The following ROBO2 variants were observed in gnomAD, a reference collection of about 807,000 sequenced individuals.
The protein encoded by ROBO2 is roundabout homolog 2.
In ROBO2, 53 loss-of-function variants were observed where a neutral mutation model predicts 160.8. The observed-to-expected ratio is 0.33, with a 90% CI of 0.26 to 0.41. The LOEUF (loss-of-function observed/expected upper bound fraction) is 0.41, where lower values mean the gene tolerates loss of function less well. Among genes scored for constraint, ROBO2 ranks in the 10% least tolerant of loss-of-function variants. The pLI, the probability that ROBO2 is intolerant of heterozygous loss-of-function variation, is 1.00. For missense variants in ROBO2, 1,577 were observed against 1,722.4 expected (o/e 0.92, Z 1.49); for synonymous variants, 664 against 611.7 (o/e 1.09, Z -1.26).
chr3:77,170,287 A>G (rs1377203909), intron 2 of ROBO2, among the ~76,000 whole-genome samples: 1 of 152,220 alleles, frequency 6.6e-6, no homozygotes, highest in Non-Finnish European at 1.5e-5. Context: ...TATTGGGTAT[A>G]CAACTAAGAA....
At chr3:76,857,809 G>A (rs1393217560) in intron 2 of ROBO2, among the ~76,000 whole-genome samples, 3 of 152,106 alleles carry the variant, frequency 2.0e-5, no homozygotes, top group African/African-American at 7.2e-5. Context: ...CATAAAATGA[G>A]CATTTCTTAG....
chr3:77,338,480 T>C (rs80164099), intron 2 of ROBO2, among the ~76,000 whole-genome samples: 4,188 of 152,130 alleles, frequency 0.028, 161 homozygotes, highest in East Asian at 0.15. Context: ...ACCTTAAAGA[T>C]AAAACGCAGA....
intron 2 of ROBO2, among the ~76,000 whole-genome samples, chr3:76,285,010 T>C (rs1257659813): frequency 6.6e-6 from 1 of 152,178 alleles, no homozygotes; most frequent in Non-Finnish European, 1.5e-5. Context: ...CCATCATGCT[T>C]TCTGCCCACT....
chr3:77,065,192 A>G (rs889386499), intron 1 of ROBO2, among the ~76,000 whole-genome samples: 1 of 152,186 alleles, frequency 6.6e-6, no homozygotes, highest in Non-Finnish European at 1.5e-5. Flanking sequence ...GCACTTGGCA[A>G]TTGTCTCATT....
intron 2 of ROBO2, among the ~76,000 whole-genome samples, chr3:76,217,527 A>G (rs776847405): frequency 6.6e-6 from 1 of 152,228 alleles, no homozygotes; most frequent in East Asian, 1.9e-4. Context: ...AGAGAATACT[A>G]TAAAAACCTC....
At chr3:76,736,079 C>T (rs1055718336) in intron 2 of ROBO2, among the ~76,000 whole-genome samples, 47 of 151,584 alleles carry the variant, frequency 3.1e-4, no homozygotes, top group East Asian at 3.9e-4. Context: ...GTCAGGAGAT[C>T]GAGACCATCC....
chr3:77,345,871 A>G (rs973962321), intron 2 of ROBO2, among the ~76,000 whole-genome samples: 2 of 152,144 alleles, frequency 1.3e-5, no homozygotes, highest in Non-Finnish European at 2.9e-5. Context: ...TGTGATATTA[A>G]AATGTTAGCC....
intron 2 of ROBO2, among the ~76,000 whole-genome samples, chr3:77,167,280 A>G (rs1207229346): frequency 6.6e-6 from 1 of 152,232 alleles, no homozygotes; most frequent in African/African-American, 2.4e-5. Flanking sequence ...ATCATCTAGT[A>G]TTCTGAATAG....
At chr3:76,290,734 A>G (rs1438864579) in intron 2 of ROBO2, among the ~76,000 whole-genome samples, 3 of 151,938 alleles carry the variant, frequency 2.0e-5, no homozygotes, top group Admixed American at 2.0e-4. Flanking sequence ...AAATGAAGGG[A>G]TGCTGAATTT....
At chr3:75,947,276 T>C (rs1336047981) in intron 2 of ROBO2, among the ~76,000 whole-genome samples, 3 of 152,126 alleles carry the variant, frequency 2.0e-5, no homozygotes, top group African/African-American at 7.2e-5. Context: ...CACTGACAAG[T>C]TGACTTGGCT....
At chr3:76,043,747 T>C (rs1267200881) in intron 2 of ROBO2, among the ~76,000 whole-genome samples, 1 of 151,734 alleles carries the variant, frequency 6.6e-6, no homozygotes. Flanking sequence ...GAAGCACTTA[T>C]CTACTTAATC....
intron 24 of ROBO2, 27 bp from the exon 27 acceptor site, chr3:77,644,677 A>C: frequency 6.2e-7 from 1 of 1,609,872 alleles, no homozygotes. Flanking sequence ...TGTTCAATTT[A>C]GCCTTTGGGT....
chr3:76,755,490 A>T (rs1401973376), intron 2 of ROBO2, among the ~76,000 whole-genome samples: 2 of 151,828 alleles, frequency 1.3e-5, no homozygotes, highest in Non-Finnish European at 2.9e-5. Context: ...AGGAAGAAAG[A>T]GATACTTAAA....
chr3:77,165,023 G>T (rs1478294966), intron 2 of ROBO2, among the ~76,000 whole-genome samples: 5 of 151,614 alleles, frequency 3.3e-5, no homozygotes, highest in African/African-American at 1.2e-4. Flanking sequence ...GGGAGGTGAG[G>T]AGCCCCTCTG....
At chr3:76,325,760 A>G (rs2107949567) in intron 2 of ROBO2, among the ~76,000 whole-genome samples, 1 of 152,252 alleles carries the variant, frequency 6.6e-6, no homozygotes, top group South Asian at 2.1e-4. Context: ...TTAATAGTCA[A>G]GTATTCCCTG....
chr3:76,508,903 A>G (rs147603176), intron 2 of ROBO2, among the ~76,000 whole-genome samples: 147 of 152,130 alleles, frequency 9.7e-4, no homozygotes, highest in African/African-American at 3.5e-3. Flanking sequence ...AACCTAGGTC[A>G]TATTGATTCT....
intron 2 of ROBO2, among the ~76,000 whole-genome samples, chr3:77,360,787 ATTTTC>A (rs2069858095): frequency 6.6e-6 from 1 of 151,886 alleles, no homozygotes; most frequent in Non-Finnish European, 1.5e-5. Flanking sequence ...CCATCTCCAC[ATTTTC>A]ACAACTTAAT....
At chr3:76,046,457 G>A (rs2067450918) in intron 2 of ROBO2, among the ~76,000 whole-genome samples, 1 of 151,840 alleles carries the variant, frequency 6.6e-6, no homozygotes, top group African/African-American at 2.4e-5. Context: ...AGACCATCCC[G>A]GCTAACGCGG....
chr3:76,037,507 G>A (rs963696949), intron 2 of ROBO2, among the ~76,000 whole-genome samples: 4 of 151,698 alleles, frequency 2.6e-5, no homozygotes, highest in African/African-American at 7.3e-5. Flanking sequence ...TGCCCTCCTC[G>A]GACTCCCAAA....
Sources: gnomAD v4.1 joint callset for allele counts (sites outside exome capture counted in the v4.1 genomes callset) on GRCh38, gnomAD v4.1.1 for gene constraint, MANE v1.5 for transcripts, NCBI Gene and HGNC (gene_info 2026-07-23, HGNC 2026-07-21) for gene names.